The following PDE1C variants were observed in gnomAD, a reference collection of about 807,000 sequenced individuals.
The protein encoded by PDE1C is phosphodiesterase 1C.
In PDE1C, 62 loss-of-function variants were observed where a neutral mutation model predicts 93.1. The ratio of observed to expected loss-of-function variants is 0.67; its 90% CI spans 0.54 to 0.82. The LOEUF (loss-of-function observed/expected upper bound fraction) is 0.82, where lower values mean the gene tolerates loss of function less well. Among genes scored for constraint, PDE1C ranks in the 40% least tolerant of loss-of-function variants. The probability of loss-of-function intolerance (pLI) is 0.00; values close to 1 mark genes in which losing one functional copy is unlikely to be tolerated. For missense variants in PDE1C, 742 were observed against 884.6 expected, an observed-to-expected ratio of 0.84 and a Z score of 2.04; for synonymous variants, 325 against 310.1, an observed-to-expected ratio of 1.05 and a Z score of -0.50.
At chr7:32,335,920 G>A (rs1562679365) in intron 1 of PDE1C, among the ~76,000 whole-genome samples, 6 of 152,026 alleles carry the variant, frequency 3.9e-5, no homozygotes, top group Admixed American at 3.9e-4. Flanking sequence ...TGTAGAAACA[G>A]GGTCTCACTA....
intron 3 of PDE1C, among the ~76,000 whole-genome samples, chr7:32,156,022 C>T (rs1029532686): frequency 2.0e-5 from 3 of 152,224 alleles, no homozygotes; most frequent in Admixed American, 6.5e-5. Flanking sequence ...AAGTAACTGC[C>T]TCCCCCAACC....
At chr7:31,692,561 G>A in the PDE1C span, 7 of 1,549,052 alleles carry the variant, frequency 4.5e-6, no homozygotes, top group South Asian at 4.5e-5. Context: ...AGTGGTGGAA[G>A]TCAGAGAAGA....
intron 16 of PDE1C, among the ~76,000 whole-genome samples, chr7:31,807,405 C>G (rs1382087924): frequency 6.6e-6 from 1 of 151,778 alleles, no homozygotes; most frequent in African/African-American, 2.4e-5. Flanking sequence ...CACTTCCCCC[C>G]TCCCCCCAAA....
At chr7:32,134,018 C>T (rs1404626653) in intron 3 of PDE1C, among the ~76,000 whole-genome samples, 2 of 151,500 alleles carry the variant, frequency 1.3e-5, no homozygotes, top group African/African-American at 4.8e-5. Flanking sequence ...TTTAAAATTT[C>T]CTGATGGACT....
chr7:31,923,083 G>C (rs1802837218), intron 2 of PDE1C, among the ~76,000 whole-genome samples: 1 of 152,128 alleles, frequency 6.6e-6, no homozygotes, highest in African/African-American at 2.4e-5. Flanking sequence ...AGGGAGAGCT[G>C]GGGGGACTCC....
At chr7:32,392,445 T>G (rs1481683475) in intron 1 of PDE1C, among the ~76,000 whole-genome samples, 1 of 152,170 alleles carries the variant, frequency 6.6e-6, no homozygotes, top group Non-Finnish European at 1.5e-5. Flanking sequence ...ACTCATTCTA[T>G]GAGGTCAGTT....
Position 31,752,564 on chromosome 7 carries a change from A to G in PDE1C, c.*820T>C, listed in dbSNP as rs922002706. ...GGCCTAGGACCACAAAATCAAACTG[A>G]CATCTTTTGCAATGACTCTTAAACC... On this transcript the variant is annotated 3_prime_UTR_variant, in exon 18 of 18. Coordinates refer to ENST00000396191, the MANE Select transcript of PDE1C (RefSeq NM_001191057.4). 6.6e-6 allele frequency: 1 copy of G among 152,120 alleles called. No homozygotes were observed. Among genetic ancestry groups the G allele is most frequent in the Admixed American group, 6.5e-5 (1 of 15,268 alleles). The allele number at this position is 152,120 out of a possible 1,614,324, so 9.4% of individuals were successfully genotyped here. A position where few individuals can be genotyped will look rare whatever the true frequency, so the allele number is the denominator to read the frequency against.
chr7:32,202,117 C>T (rs913118036), intron 2 of PDE1C, among the ~76,000 whole-genome samples: 6 of 152,188 alleles, frequency 3.9e-5, no homozygotes, highest in Non-Finnish European at 8.8e-5. Flanking sequence ...ACCTAGATCT[C>T]AATGGACTTG....
chr7:32,311,085 C>T (rs1298690427), intron 1 of PDE1C, among the ~76,000 whole-genome samples: 7 of 152,146 alleles, frequency 4.6e-5, no homozygotes, highest in Non-Finnish European at 1.5e-5. Context: ...CCACCGATCC[C>T]ACAGAAATAC....
chr7:32,304,322 C>T (rs1298178569), upstream of PDE1C, among the ~76,000 whole-genome samples: 6 of 152,222 alleles, frequency 3.9e-5, no homozygotes, highest in Non-Finnish European at 2.9e-5. Flanking sequence ...AGAGATGGGT[C>T]TTCCATCCTC....
chr7:32,091,049 C>T (rs1797441768), intron 3 of PDE1C, among the ~76,000 whole-genome samples: 1 of 152,224 alleles, frequency 6.6e-6, no homozygotes, highest in South Asian at 2.1e-4. Context: ...TCTTGCATTA[C>T]ATCCTCTTTA....
At chr7:32,278,527 C>A (rs1367635414) in intron 1 of PDE1C, among the ~76,000 whole-genome samples, 2 of 152,172 alleles carry the variant, frequency 1.3e-5, no homozygotes, top group Non-Finnish European at 2.9e-5. Context: ...CACATGCTTA[C>A]AAACTATTTA....
At chr7:32,390,242 T>C (rs1379057101) in intron 1 of PDE1C, among the ~76,000 whole-genome samples, 5 of 151,966 alleles carry the variant, frequency 3.3e-5, no homozygotes. Flanking sequence ...TTTGAGAAAA[T>C]TTCTATATTA....
the PDE1C span, among the ~76,000 whole-genome samples, chr7:31,739,545 T>G: frequency 6.6e-6 from 1 of 152,202 alleles, no homozygotes; most frequent in South Asian, 2.1e-4. Context: ...TGCTAGGATA[T>G]GCACTTAATC....
Position 32,278,824 on chromosome 7 carries a change from G to A in PDE1C, c.85+19827C>T, listed in dbSNP as rs899024538. Among the ~76,000 whole-genome samples, 9 of 152,258 alleles carry A rather than the reference G, an allele frequency of 5.9e-5. 1 individual carries two copies. Among genetic ancestry groups the A allele is most frequent in the Admixed American group, 5.2e-4 (8 of 15,302 alleles). ...GCTTCTTGAATTTGTTGTCCAGAAAGGGCACAAAGTAACCGATAATGAAAA... is the reference window on the plus strand; with the variant it reads ...GCTTCTTGAATTTGTTGTCCAGAAAAGGCACAAAGTAACCGATAATGAAAA... On this transcript the variant is annotated intron_variant, in intron 1 of 18. Coordinates refer to the PDE1C transcript ENST00000396193.
intron 7 of PDE1C, among the ~76,000 whole-genome samples, chr7:31,860,141 G>T (rs1370494504): frequency 6.6e-6 from 1 of 152,142 alleles, no homozygotes; most frequent in African/African-American, 2.4e-5. Context: ...ACCCTCAGAT[G>T]AGCAGTATAT....
At chr7:32,363,747 G>T (rs1784181419) in intron 1 of PDE1C, among the ~76,000 whole-genome samples, 1 of 152,132 alleles carries the variant, frequency 6.6e-6, no homozygotes, top group Non-Finnish European at 1.5e-5. Flanking sequence ...ACTATTAGCT[G>T]ATGCTGTTCA....
At chr7:31,707,103 G>T in the PDE1C span, 42 of 1,041,046 alleles carry the variant, frequency 4.0e-5, 1 homozygote, top group South Asian at 5.7e-4. Flanking sequence ...ACACTAAGAG[G>T]TTTCTGGGTT....
intron 15 of PDE1C, among the ~76,000 whole-genome samples, chr7:31,814,032 G>A (rs1024001130): frequency 5.9e-5 from 9 of 151,376 alleles, no homozygotes; most frequent in Admixed American, 4.6e-4. Context: ...GTGTGTGTGT[G>A]TGTGTGTATA....
Sources: gnomAD v4.1 joint callset for allele counts (sites outside exome capture counted in the v4.1 genomes callset) on GRCh38, gnomAD v4.1.1 for gene constraint, MANE v1.5 for transcripts, NCBI Gene and HGNC (gene_info 2026-07-23, HGNC 2026-07-21) for gene names.